LHFPL4: variants seen among roughly 807,000 people sequenced by gnomAD.
LHFPL4 encodes the protein LHFPL tetraspan subfamily member 4 protein.
LHFPL4 carries 6 observed loss-of-function variants against 20.0 expected under a neutral mutation model. The ratio of observed to expected loss-of-function variants is 0.30; its 90% CI spans 0.16 to 0.59. The LOEUF is 0.59. LHFPL4 is among the 20% of genes least tolerant of loss of function. The probability of loss-of-function intolerance (pLI) is 0.88; values close to 1 mark genes in which losing one functional copy is unlikely to be tolerated. For missense variants in LHFPL4, 215 were observed against 331.2 expected (o/e 0.65, Z 2.72); for synonymous variants, 129 against 143.8 (o/e 0.90, Z 0.74).
chr3:9,503,947 G>A (rs538763709), intron 3 of LHFPL4, among the ~76,000 whole-genome samples: 2 of 152,090 alleles, frequency 1.3e-5, no homozygotes, highest in African/African-American at 4.8e-5. Flanking sequence ...AATCGCTTAA[G>A]CCCAGGAGTT....
At chr3:9,540,215 GA>G in intron 2 of LHFPL4, among the ~76,000 whole-genome samples, 1 of 152,246 alleles carries the variant, frequency 6.6e-6, no homozygotes, top group African/African-American at 2.4e-5. Context: ...TGCACCTATA[GA>G]AAAGTTTATT....
chr3:9,528,921 C>CTTT (rs113439233), intron 2 of LHFPL4, among the ~76,000 whole-genome samples: 1 of 142,942 alleles, frequency 7.0e-6, no homozygotes, highest in Non-Finnish European at 1.5e-5. Context: ...AGCCCCCCAA[C>CTTT]TTTTTTTTTT....
chr3:9,507,105 C>CA (rs1688941736), intron 2 of LHFPL4, among the ~76,000 whole-genome samples: 2 of 152,160 alleles, frequency 1.3e-5, no homozygotes, highest in South Asian at 4.1e-4. Flanking sequence ...CTGTTTCAGT[C>CA]AATACCATTG....
At chr3:9,543,729 G>GTTTTGGTT (rs2046493063) in intron 2 of LHFPL4, among the ~76,000 whole-genome samples, 1 of 119,652 alleles carries the variant, frequency 8.4e-6, no homozygotes, top group African/African-American at 3.2e-5. Flanking sequence ...TTTGGTTTTG[G>GTTTTGGTT]TTTTTTTTTT....
chr3:9,509,656 G>T (rs2046244329), intron 2 of LHFPL4, among the ~76,000 whole-genome samples: 1 of 152,242 alleles, frequency 6.6e-6, no homozygotes, highest in African/African-American at 2.4e-5. Context: ...CTCAGAGATG[G>T]CTGGGGCACT....
chr3:9,550,347 T>A (rs2046545433), intron 2 of LHFPL4, among the ~76,000 whole-genome samples: 1 of 152,184 alleles, frequency 6.6e-6, no homozygotes, highest in African/African-American at 2.4e-5. Context: ...AAAAGTGCCC[T>A]GGGCCAGAAG....
At chr3:9,509,246 CCTCT>C (rs1553646187) in intron 2 of LHFPL4, among the ~76,000 whole-genome samples, 2 of 146,764 alleles carry the variant, frequency 1.4e-5, no homozygotes, top group Admixed American at 6.7e-5. Flanking sequence ...TTCGCACCCC[CCTCT>C]CTCTCTCTCT....
chr3:9,553,306 G>A lies in LHFPL4; in HGVS notation c.-169+379C>T, dbSNP rs190430432. 2.3e-4 allele frequency among the ~76,000 whole-genome samples: 35 copies of A among 151,174 alleles called. No individual in the cohort carries two copies. The East Asian group carries it at 5.9e-3, about 25-fold the overall frequency. ...TAATATGGGGGCTGGGACGGGGAAT[G>A]GGGGCTGGTATGAGGGTCTAAGAGG... On this transcript the variant is annotated intron_variant, in intron 1 of 3. Coordinates refer to ENST00000287585, the MANE Select transcript of LHFPL4 (RefSeq NM_198560.3).
chr3:9,500,797 A>G lies in LHFPL4; in HGVS notation c.*1414T>C, dbSNP rs5013979. The stretch of plus-strand genomic sequence containing the variant: ...CCCCAGGGCAGGGAGGCTCCCCGGG[A>G]GAGATGGCTCTGCCGCCAGACCCAC... On this transcript the variant is annotated 3_prime_UTR_variant, in exon 4 of 4. Coordinates refer to ENST00000287585, the MANE Select transcript of LHFPL4 (RefSeq NM_198560.3). The G allele has an allele frequency of 7.3e-3, 1,120 of 152,452 alleles. 18 individuals carry two copies. The highest frequency in any genetic ancestry group is 0.025 in the African/African-American group (1,020 of 41,596). The allele number at this position is 152,452 out of a possible 1,614,324, so 9.4% of individuals were successfully genotyped here.
In LHFPL4 at chr3:9,552,652, G is replaced by C. The variant is rs141038475; in HGVS notation, c.28C>G (p.Leu10Val). The change falls in exon 2 of 4, where the codon CTC (leucine) becomes GTC (valine). Residue 10 changes from leucine (L) to valine (V), a missense_variant. Physicochemically the swap from Leu to Val is conservative, Grantham distance 32. Around this residue, in one of 2 missense-constraint regions of LHFPL4, gnomAD observed 164 missense variants for 286.7 expected, o/e 0.57. Transcript: ENST00000287585. Reference protein sequence around the residue: MLPSQEASKLYHEHYMRNSR... With the variant: MLPSQEASKVYHEHYMRNSR... ...TTCCGCATGTAGTGCTCGTGGTAGA[G>C]CTTGGAGGCCTCCTGCGAGGGCAGC... 7 of 1,604,738 alleles carry C rather than the reference G, an allele frequency of 4.4e-6. No homozygotes were observed. Among genetic ancestry groups the C allele is most frequent in the Non-Finnish European group, 4.3e-6 (5 of 1,175,920 alleles).
chr3:9,509,348 C>A lies in LHFPL4; in HGVS notation c.407-3145G>T, dbSNP rs1444093790. The stretch of plus-strand genomic sequence containing the variant: ...TTTAGATCTTTCAGCACTTAACATT[C>A]ATTCAACTCCCTCCTCCTCTCTATT... On this transcript the variant is annotated intron_variant, in intron 2 of 3. Coordinates refer to ENST00000287585, the MANE Select transcript of LHFPL4 (RefSeq NM_198560.3). Among the ~76,000 whole-genome samples the A allele has an allele frequency of 3.3e-5, 5 of 150,834 alleles. No homozygotes were observed. In the Admixed American group the frequency reaches 3.3e-4, roughly 10 times the overall value.
At chr3:9,541,768 C>A (rs2046477985) in intron 2 of LHFPL4, among the ~76,000 whole-genome samples, 1 of 151,096 alleles carries the variant, frequency 6.6e-6, no homozygotes, top group African/African-American at 2.4e-5. Flanking sequence ...CAAAATTTCG[C>A]CTCAAAGAAA....
chr3:9,546,804 A>G (rs1052651597), intron 2 of LHFPL4, among the ~76,000 whole-genome samples: 1 of 152,198 alleles, frequency 6.6e-6, no homozygotes, highest in Non-Finnish European at 1.5e-5. Context: ...GCGACTATGT[A>G]TTGAATGCTT....
chr3:9,549,485 C>T (rs2046538996), intron 2 of LHFPL4, among the ~76,000 whole-genome samples: 1 of 152,144 alleles, frequency 6.6e-6, no homozygotes, highest in African/African-American at 2.4e-5. Flanking sequence ...CACCTGAGGT[C>T]AGGAGTTTGA....
chr3:9,542,384 T>A (rs1284218361), intron 2 of LHFPL4, among the ~76,000 whole-genome samples: 1 of 152,196 alleles, frequency 6.6e-6, no homozygotes, highest in African/African-American at 2.4e-5. Flanking sequence ...GATGAATGGA[T>A]AAACAAAACA....
At position 9,506,586 on chromosome 3, in the gene LHFPL4, G is replaced by A. The variant is rs1317230945; in HGVS notation, c.407-383C>T. ...CCTCATTATTATTATTATTGTTGTC[G>A]TTGTTGTTGTTTGAGACGGAGTCTC... On this transcript the variant is annotated intron_variant, in intron 2 of 3. Coordinates refer to ENST00000287585, the MANE Select transcript of LHFPL4 (RefSeq NM_198560.3). The surrounding 1 kb of genome is among the most constrained non-coding windows in gnomAD (Gnocchi z 4.5). Among the ~76,000 whole-genome samples, 84 of 151,952 alleles carry A rather than the reference G, an allele frequency of 5.5e-4. 1 individual carries two copies. The highest frequency in any genetic ancestry group is 7.2e-4 in the Admixed American group (11 of 15,242).
intron 2 of LHFPL4, among the ~76,000 whole-genome samples, chr3:9,538,439 T>C (rs1395707259): frequency 6.6e-6 from 1 of 152,202 alleles, no homozygotes; most frequent in Non-Finnish European, 1.5e-5. Context: ...GCACAGGCCA[T>C]GGAATGTTGG....
Position 9,512,506 on chromosome 3 carries a change from T to G in LHFPL4, c.407-6303A>C, listed in dbSNP as rs745963411. ...TGGGGAAGGAGGTAAGTTTATTTTT[T>G]TGCAATTTAACCATGACAGAGACAA... On this transcript the variant is annotated intron_variant, in intron 2 of 3. Coordinates refer to ENST00000287585, the MANE Select transcript of LHFPL4 (RefSeq NM_198560.3). Among the ~76,000 whole-genome samples, 12 of 152,328 alleles carry G rather than the reference T, an allele frequency of 7.9e-5. 1 individual carries two copies. The Middle Eastern group carries it at 0.01, about 130-fold the overall frequency.
chr3:9,508,831 C>T lies in LHFPL4; in HGVS notation c.407-2628G>A, dbSNP rs543433425. 2.4e-3 allele frequency among the ~76,000 whole-genome samples: 373 copies of T among 152,334 alleles called. 1 individual carries two copies. Among genetic ancestry groups the T allele is most frequent in the African/African-American group, 8.1e-3 (336 of 41,592 alleles). On this transcript the variant is annotated intron_variant, in intron 2 of 3. Transcript: ENST00000287585. ...TCCCCCGCCCTCGGAGTCCCCAGAG[C>T]CCTTTCCCAGGCGGGTGCGCTCCTG...
Sources: gnomAD v4.1 joint callset for allele counts (sites outside exome capture counted in the v4.1 genomes callset) on GRCh38, gnomAD v4.1.1 for gene constraint, gnomAD v4.1.1 regional missense constraint, Gnocchi (gnomAD v3.1) non-coding constraint, MANE v1.5 for transcripts, NCBI Gene and HGNC (gene_info 2026-07-23, HGNC 2026-07-21) for gene names.